DYNC1H1: variants seen among roughly 807,000 people sequenced by gnomAD.
The protein encoded by DYNC1H1 is dynein cytoplasmic 1 heavy chain 1, also known as cytoplasmic dynein 1 heavy chain 1.
Under a neutral mutation model 527.1 loss-of-function variants are expected in DYNC1H1, and 51 were observed. The ratio of observed to expected loss-of-function variants is 0.10; its 90% CI spans 0.08 to 0.12. DYNC1H1 has a LOEUF of 0.12. Among genes scored for constraint, DYNC1H1 ranks in the 10% least tolerant of loss-of-function variants. DYNC1H1 has a pLI of 1.00. For missense variants in DYNC1H1, 2,771 were observed against 5,971.8 expected, an observed-to-expected ratio of 0.46 and a Z score of 17.66; for synonymous variants, 2,189 against 2,278.8, an observed-to-expected ratio of 0.96 and a Z score of 1.12.
intron 52 of DYNC1H1, chr14:102,032,782 G>T (rs1180210656): frequency 5.3e-6 from 3 of 561,692 alleles, no homozygotes; most frequent in Non-Finnish European, 9.5e-6. Flanking sequence ...GAACCCAGGG[G>T]ATCAAGGCTT....
intron 43 of DYNC1H1, chr14:102,023,564 T>C (rs1180453943): frequency 6.4e-6 from 1 of 156,630 alleles, no homozygotes; most frequent in Non-Finnish European, 1.4e-5. Context: ...AAAAAAAAAA[T>C]ACAGCGAGGT....
rs17512982 is a variant in DYNC1H1 at position 102,049,309 on chromosome 14, G to A, written c.13373-131G>A. ...GCCAGGGGCATAAAGTGCAGCCTGG[G>A]AAAGGCAGTAGGTGGAGCCGCCAGC... On this transcript the variant is annotated intron_variant, in intron 74 of 77. Transcript: ENST00000360184. This position sits in a 1 kb window ranked among gnomAD's most constrained non-coding sequence, Gnocchi z 5.5. The A allele has an allele frequency of 2.8e-3, 3,817 of 1,347,096 alleles. 80 individuals are homozygous for A. In the African/African-American group the frequency reaches 0.048, roughly 17 times the overall value. 83.4% of individuals were successfully genotyped at this position (1,347,096 alleles called of 1,614,324 possible). A position where few individuals can be genotyped will look rare whatever the true frequency, so the allele number is the denominator to read the frequency against.
In DYNC1H1 at chr14:102,056,226, G is replaced by A. The variant is rs1277288450; in HGVS notation, c.*5663G>A. ...TTCAGGCATTGTATGGAAGAACATC[G>A]TGAGACTCCCTGCTCTGTTCTGTTT... On this transcript the variant is annotated 3_prime_UTR_variant, in exon 78 of 78. Transcript: ENST00000360184. 6.6e-6 allele frequency: 1 copy of A among 152,200 alleles called. No homozygotes were observed. Among genetic ancestry groups the A allele is most frequent in the Non-Finnish European group, 1.5e-5 (1 of 68,040 alleles). The allele number at this position is 152,200 out of a possible 1,614,324, so 9.4% of individuals were successfully genotyped here. A position where few individuals can be genotyped will look rare whatever the true frequency, so the allele number is the denominator to read the frequency against.
rs527352945 is a variant in DYNC1H1, at chr14:101,966,728, T to C, written c.256+1781T>C. On this transcript the variant is annotated intron_variant, in intron 1 of 77. Transcript: ENST00000360184. ...TTTTTTTACCTTGTGTCACTCTTTTTATGAAAAAAAATTTAAGTTTTATAC... is the reference window on the plus strand; with the variant it reads ...TTTTTTTACCTTGTGTCACTCTTTTCATGAAAAAAAATTTAAGTTTTATAC... Among the ~76,000 whole-genome samples the C allele has an allele frequency of 3.3e-5, 5 of 152,314 alleles. No individual in the cohort carries two copies. In the South Asian group the frequency reaches 1.0e-3, roughly 32 times the overall value.
chr14:101,998,872 A>ACCTTTT, intron 16 of DYNC1H1, among the ~76,000 whole-genome samples: 1 of 131,498 alleles, frequency 7.6e-6, no homozygotes, highest in Non-Finnish European at 1.5e-5. Context: ...TAGAGTTAAA[A>ACCTTTT]CTTTTTCTTT....
At chr14:102,009,690 C>T (rs1159783086) in intron 29 of DYNC1H1, 153 bp from the exon 30 acceptor site, 19 of 1,230,610 alleles carry the variant, frequency 1.5e-5, no homozygotes, top group African/African-American at 1.1e-4. Context: ...TGGTGGTCCC[C>T]GAAGAAAGGC....
rs2047790375 is a variant in DYNC1H1 at position 101,975,457 on chromosome 14, C to T, written c.257-255C>T. On this transcript the variant is annotated intron_variant, in intron 1 of 77. Transcript: ENST00000360184. ...GGCCCTGTTCCAGTGCTTTCATGCA[C>T]CAACTCAGTTATCCTTGCAGAAGCC... 2.6e-5 allele frequency among the ~76,000 whole-genome samples: 4 copies of T among 152,308 alleles called. 1 individual carries two copies. In the South Asian group the frequency reaches 8.3e-4, roughly 32 times the overall value.
chr14:102,033,386 G>T lies in DYNC1H1; in HGVS notation c.10315G>T (p.Asp3439Tyr), dbSNP rs766521055. ...CAACGAGGTGGAGCAGATGATCCGA[G>T]ACCTGGAAGCCAGCATCGCCCGCTA... is the stretch of plus-strand genomic sequence containing the variant. ...KANEVEQMIR[D>Y]LEASIARYKE... The change falls in exon 54 of 78, where the codon GAC becomes TAC. Residue 3439 changes from aspartate to tyrosine, a missense_variant. Physicochemically the swap from Asp to Tyr is radical, Grantham distance 160. This residue lies in a region of DYNC1H1 where 283 missense variants were observed against 737.6 expected (regional missense o/e 0.38). Transcript: ENST00000360184. The surrounding 1 kb of genome is among the most constrained non-coding windows in gnomAD (Gnocchi z 5.6). 1 of 1,614,230 alleles carries T rather than the reference G, an allele frequency of 6.2e-7. No homozygotes were observed. Among genetic ancestry groups the T allele is most frequent in the Non-Finnish European group, 8.5e-7 (1 of 1,180,046 alleles).
intron 2 of DYNC1H1, among the ~76,000 whole-genome samples, chr14:101,977,344 T>A (rs894360687): frequency 1.3e-5 from 2 of 152,216 alleles, no homozygotes; most frequent in African/African-American, 4.8e-5. Context: ...ACGGAAGAGT[T>A]GCGTGAATAG....
rs1372023113 is a variant in DYNC1H1 at position 102,027,894 on chromosome 14, C to T, written c.9264-43C>T. 6 of 1,614,162 alleles carry T rather than the reference C, an allele frequency of 3.7e-6. No homozygotes were observed. Among genetic ancestry groups the T allele is most frequent in the Non-Finnish European group, 5.1e-6 (6 of 1,180,014 alleles). The stretch of plus-strand genomic sequence containing the variant: ...GTCGGTGTCCTTCCAAGGGACAAAG[C>T]CTGCCCCTCATAGCTGTCCTGAAAC... On this transcript the variant is annotated intron_variant, in intron 47 of 77. Coordinates refer to ENST00000360184, the MANE Select transcript of DYNC1H1 (RefSeq NM_001376.5). This position sits in a 1 kb window ranked among gnomAD's most constrained non-coding sequence, Gnocchi z 7.7.
rs1438249246 is a variant in DYNC1H1 at position 102,029,682 on chromosome 14, G to A, written c.9612G>A (p.Gly3204=). ...AGCAGCAGATGCACTTGAACGTGGG[G>A]CTCAGGAAGATCAAAGAGACAGTCG... ...LEEQQMHLNV[G]LRKIKETVDQ... Residue 3204 remains glycine (G), a synonymous_variant, in exon 49 of 78, where the codon GGG becomes GGA. Coordinates refer to ENST00000360184, the MANE Select transcript of DYNC1H1 (RefSeq NM_001376.5). This position sits in a 1 kb window ranked among gnomAD's most constrained non-coding sequence, Gnocchi z 5.3. 9.9e-6 allele frequency: 16 copies of A among 1,614,058 alleles called. No individual in the cohort carries two copies. Among genetic ancestry groups the A allele is most frequent in the Non-Finnish European group, 1.3e-5 (15 of 1,180,040 alleles).
At position 102,043,616 on chromosome 14, in the gene DYNC1H1, G is replaced by C. The variant is rs1190605; in HGVS notation, c.12514-259G>C. 0.3 allele frequency: 157,066 copies of C among 530,632 alleles called. 28,755 individuals carry two copies. Among genetic ancestry groups the C allele is most frequent in the African/African-American group, 0.71 (36,890 of 52,274 alleles). The allele number at this position is 530,632 out of a possible 1,614,324, so 32.9% of individuals were successfully genotyped here. A position where few individuals can be genotyped will look rare whatever the true frequency, so the allele number is the denominator to read the frequency against. ...CTGTTCTATTTTGTGCCACATTCAC[G>C]TTTTCTGACATTCTTAGAAACTCTG... On this transcript the variant is annotated intron_variant, in intron 69 of 77. Transcript: ENST00000360184.
intron 1 of DYNC1H1, among the ~76,000 whole-genome samples, chr14:101,969,894 ATT>A (rs1476473424): frequency 6.6e-6 from 1 of 152,222 alleles, no homozygotes; most frequent in Non-Finnish European, 1.5e-5. Context: ...AGCAAGAGAG[ATT>A]TAGCCCAGCC....
At position 102,006,103 on chromosome 14, in the gene DYNC1H1, C is replaced by G; in HGVS notation, c.5649C>G (p.Pro1883=). Residue 1883 remains proline, a synonymous_variant, in exon 27 of 78, where the codon CCC becomes CCG. Transcript: ENST00000360184. ...LGVQDKLVQT[P]LTDRCYLTMT... ...TTCAGGACAAACTGGTCCAGACCCC[C>G]CTCACTGACCGCTGCTATTTGACAA... 1 of 1,614,216 alleles carries G rather than the reference C, an allele frequency of 6.2e-7. No homozygotes were observed. Among genetic ancestry groups the G allele is most frequent in the African/African-American group, 1.3e-5 (1 of 75,056 alleles).
chr14:102,014,231 C>G (rs956016709), intron 34 of DYNC1H1, among the ~76,000 whole-genome samples: 1 of 152,170 alleles, frequency 6.6e-6, no homozygotes, highest in African/African-American at 2.4e-5. Flanking sequence ...GTCACCTGCG[C>G]CATCTTTAAA....
intron 8 of DYNC1H1, among the ~76,000 whole-genome samples, chr14:101,987,227 G>A (rs2047947277): frequency 6.6e-6 from 1 of 152,234 alleles, no homozygotes; most frequent in Admixed American, 6.5e-5. Flanking sequence ...CCATTGAGTG[G>A]GAGTAAGGGA....
chr14:102,032,749 A>G (rs1256660684), intron 52 of DYNC1H1: 2 of 568,020 alleles, frequency 3.5e-6, no homozygotes. Context: ...GCTACTTGGG[A>G]GGCTGAGGTG....
chr14:102,042,192 G>A lies in DYNC1H1; in HGVS notation c.12215-36G>A, dbSNP rs1555412066. On this transcript the variant is annotated intron_variant, in intron 66 of 77. Transcript: ENST00000360184. This position sits in a 1 kb window ranked among gnomAD's most constrained non-coding sequence, Gnocchi z 5.7. The stretch of plus-strand genomic sequence containing the variant: ...ATTTGTGGTGGGCATTGATGTCCGA[G>A]GCTGCCGCTGCTAACACTAAGTTTC... 6.2e-7 allele frequency: 1 copy of A among 1,613,862 alleles called. No homozygotes were observed. Among genetic ancestry groups the A allele is most frequent in the Non-Finnish European group, 8.5e-7 (1 of 1,180,022 alleles).
intron 34 of DYNC1H1, among the ~76,000 whole-genome samples, chr14:102,013,730 C>T (rs774812477): frequency 2.0e-5 from 3 of 152,138 alleles, no homozygotes; most frequent in Non-Finnish European, 4.4e-5. Context: ...CCATGAAGAT[C>T]CGTCTGGCTG....
Sources: allele counts gnomAD v4.1 joint callset (sites outside exome capture counted in the v4.1 genomes callset), GRCh38; gene constraint gnomAD v4.1.1; regional missense constraint gnomAD v4.1.1; non-coding constraint Gnocchi (gnomAD v3.1); transcripts MANE v1.5; gene names NCBI Gene and HGNC (gene_info 2026-07-23, HGNC 2026-07-21).